Variants in CLYBL observed in about 807,000 individuals in gnomAD.
The protein encoded by CLYBL is citramalyl-CoA lyase, mitochondrial.
A neutral mutation model predicts 38.9 loss-of-function variants in CLYBL; 31 were observed. That is an observed-to-expected ratio of 0.80 (90% CI 0.60 to 1.08). The LOEUF (loss-of-function observed/expected upper bound fraction) is 1.08, where lower values mean the gene tolerates loss of function less well. Among genes scored for constraint, CLYBL ranks in the 50% least tolerant of loss-of-function variants. The pLI is 0.00. For synonymous variants in CLYBL, 171 were observed against 158.6 expected (o/e 1.08, Z -0.59); for missense variants, 434 against 411.6 (o/e 1.05, Z -0.47).
intron 1 of CLYBL, among the ~76,000 whole-genome samples, chr13:99,643,364 A>T (rs894015190): frequency 2.0e-5 from 3 of 152,172 alleles, no homozygotes; most frequent in African/African-American, 7.2e-5. Context: ...ATGATTTGCC[A>T]TCTCTGTCTT....
intron 1 of CLYBL, among the ~76,000 whole-genome samples, chr13:99,696,898 CTA>C (rs1384851885): frequency 6.6e-6 from 1 of 152,154 alleles, no homozygotes; most frequent in African/African-American, 2.4e-5. Flanking sequence ...GTTTAAGTCT[CTA>C]TTTTTTTCTA....
intron 2 of CLYBL, among the ~76,000 whole-genome samples, chr13:99,822,928 T>C (rs1340189578): frequency 1.3e-5 from 2 of 152,232 alleles, no homozygotes; most frequent in East Asian, 3.8e-4. Flanking sequence ...TATTATCTAC[T>C]GACTTCCTTC....
rs193168536 is a variant in CLYBL at position 99,679,909 on chromosome 13, A to G, written c.62+73152A>G. On this transcript the variant is annotated intron_variant, in intron 1 of 8. Coordinates refer to ENST00000339105, the MANE Select transcript of CLYBL (RefSeq NM_206808.5). ...ATCCTGATGTGAGAAACAGCATCCT[A>G]AAGAGCTATGTATGTTACTGTCTAA... Among the ~76,000 whole-genome samples the G allele has an allele frequency of 6.6e-5, 10 of 152,312 alleles. No homozygotes were observed. In the East Asian group the frequency reaches 1.5e-3, roughly 23 times the overall value.
intron 2 of CLYBL, among the ~76,000 whole-genome samples, chr13:99,773,795 G>C (rs1241875388): frequency 1.3e-5 from 2 of 152,104 alleles, no homozygotes; most frequent in Non-Finnish European, 2.9e-5. Context: ...CGTGTCAAGA[G>C]AATAAAACAT....
chr13:99,739,867 G>C (rs973155548), intron 1 of CLYBL, among the ~76,000 whole-genome samples: 4 of 152,132 alleles, frequency 2.6e-5, no homozygotes, highest in Non-Finnish European at 4.4e-5. Context: ...CTAGCTACTT[G>C]GGAGGCTGAG....
intron 2 of CLYBL, among the ~76,000 whole-genome samples, chr13:99,787,212 A>AT (rs2049814849): frequency 6.6e-6 from 1 of 151,518 alleles, no homozygotes; most frequent in African/African-American, 2.4e-5. Context: ...ATTAGATCCC[A>AT]TTTGTCAATT....
At chr13:99,614,183 G>A (rs901987710) in intron 1 of CLYBL, among the ~76,000 whole-genome samples, 7 of 152,170 alleles carry the variant, frequency 4.6e-5, no homozygotes, top group African/African-American at 1.2e-4. Flanking sequence ...CTGGGAGAAA[G>A]AATAAAAAGA....
chr13:99,823,589 A>G (rs1309188920), intron 2 of CLYBL, among the ~76,000 whole-genome samples: 1 of 152,240 alleles, frequency 6.6e-6, no homozygotes, highest in Non-Finnish European at 1.5e-5. Context: ...AAATTTGGCA[A>G]TATGCATTTA....
chr13:99,727,643 A>G (rs554445784), intron 1 of CLYBL, among the ~76,000 whole-genome samples: 129 of 151,948 alleles, frequency 8.5e-4, no homozygotes, highest in Non-Finnish European at 1.7e-3. Context: ...GGCAAGCAAG[A>G]CACCTGGGTT....
At chr13:99,891,459 G>T in intron 8 of CLYBL, 22 bp downstream of exon 8, 1 of 1,412,512 alleles carries the variant, frequency 7.1e-7, no homozygotes, top group South Asian at 1.2e-5. Context: ...ATATACAGTG[G>T]GGTTCTTAAA....
chr13:99,662,002 C>T (rs914810961), intron 1 of CLYBL, among the ~76,000 whole-genome samples: 4 of 152,114 alleles, frequency 2.6e-5, no homozygotes, highest in African/African-American at 4.8e-5. Context: ...GTGTTTCTGC[C>T]GCAGCTGAAG....
Position 99,649,990 on chromosome 13 carries a change from G to A in CLYBL, c.62+43233G>A, listed in dbSNP as rs569650050. On this transcript the variant is annotated intron_variant, in intron 1 of 8. Transcript: ENST00000339105. ...TAAAAATCAGACTGGTAGGCCAAGC[G>A]CAGTGGCTCACACCTGTAATCCCAG... Among the ~76,000 whole-genome samples the A allele has an allele frequency of 2.5e-3, 377 of 152,194 alleles. 1 individual carries two copies. The highest frequency in any genetic ancestry group is 4.0e-3 in the Non-Finnish European group (272 of 68,002).
chr13:99,713,334 CTTTTTTTT>C (rs759844768), intron 1 of CLYBL, among the ~76,000 whole-genome samples: 1 of 101,670 alleles, frequency 9.8e-6, no homozygotes, highest in Non-Finnish European at 2.0e-5. Context: ...TTCTCTATTT[CTTTTTTTT>C]TTTTTTTTTT....
chr13:99,659,192 C>T (rs1052805476), intron 1 of CLYBL, among the ~76,000 whole-genome samples: 5 of 151,766 alleles, frequency 3.3e-5, no homozygotes, highest in African/African-American at 4.9e-5. Context: ...TCTAAATCAT[C>T]CTCTAAGCTA....
Position 99,817,669 on chromosome 13 carries a change from A to AG in CLYBL, c.250-41192_250-41191insG, listed in dbSNP as rs201573843. ...GACTCTGTCTCAAAAAAAAAAAAAA[A>AG]AAAAGAAAAGAAAAAAGAAAAGCAC... is the stretch of plus-strand genomic sequence containing the variant. On this transcript the variant is annotated intron_variant, in intron 2 of 8. Transcript: ENST00000339105. Among the ~76,000 whole-genome samples the AG allele has an allele frequency of 4.9e-3, 721 of 147,790 alleles. 6 individuals are homozygous for AG. Among genetic ancestry groups the AG allele is most frequent in the African/African-American group, 0.017 (684 of 39,798 alleles).
intron 1 of CLYBL, among the ~76,000 whole-genome samples, chr13:99,760,021 A>G (rs988916086): frequency 6.6e-6 from 1 of 152,142 alleles, no homozygotes; most frequent in African/African-American, 2.4e-5. Flanking sequence ...CAGACTCGCT[A>G]TTTATCTAGG....
chr13:99,637,622 G>A (rs1457076678), intron 1 of CLYBL, among the ~76,000 whole-genome samples: 1 of 152,194 alleles, frequency 6.6e-6, no homozygotes, highest in Non-Finnish European at 1.5e-5. Context: ...GCCAGGTGCT[G>A]TGGCACGCAC....
In CLYBL at chr13:99,695,765, G is replaced by A. The variant is rs993673862; in HGVS notation, c.63-77059G>A. Among the ~76,000 whole-genome samples, 5 of 152,164 alleles carry A rather than the reference G, an allele frequency of 3.3e-5. No homozygotes were observed. The East Asian group carries it at 5.8e-4, about 18-fold the overall frequency. ...AACTCCTGACCTTAGATGATCCCCT[G>A]CCTTGGCCTCCCAAAGTGCTGGGAT... On this transcript the variant is annotated intron_variant, in intron 1 of 8. Coordinates refer to ENST00000339105, the MANE Select transcript of CLYBL (RefSeq NM_206808.5).
chr13:99,867,913 T>C (rs538293308), intron 6 of CLYBL, among the ~76,000 whole-genome samples: 2 of 152,278 alleles, frequency 1.3e-5, no homozygotes, highest in South Asian at 4.1e-4. Flanking sequence ...AGAACTTCTC[T>C]GGGAGCTGGA....
Sources: allele counts gnomAD v4.1 joint callset (sites outside exome capture counted in the v4.1 genomes callset), GRCh38; gene constraint gnomAD v4.1.1; transcripts MANE v1.5; gene names NCBI Gene and HGNC (gene_info 2026-07-23, HGNC 2026-07-21).